The following PPP2R1B variants were observed in gnomAD, a reference collection of about 807,000 sequenced individuals.
The protein encoded by PPP2R1B is serine/threonine-protein phosphatase 2A 65 kDa regulatory subunit A beta isoform.
A neutral mutation model predicts 72.7 loss-of-function variants in PPP2R1B; 58 were observed. The observed-to-expected ratio is 0.80, with a 90% CI of 0.65 to 0.99. PPP2R1B has a LOEUF of 0.99. PPP2R1B is among the 50% of genes least tolerant of loss of function. The pLI, the probability that PPP2R1B is intolerant of heterozygous loss-of-function variation, is 0.00. For synonymous variants in PPP2R1B, 256 were observed against 264.6 expected (o/e 0.97, Z 0.32); for missense variants, 695 against 733.6 (o/e 0.95, Z 0.61).
the PPP2R1B span, chr11:111,721,091 G>A: frequency 1.3e-6 from 2 of 1,592,334 alleles, no homozygotes; most frequent in Non-Finnish European, 1.7e-6. Flanking sequence ...TCCCTCAATG[G>A]CTCTGTGAGG....
the PPP2R1B span, among the ~76,000 whole-genome samples, chr11:111,706,491 C>T: frequency 6.6e-6 from 1 of 152,062 alleles, no homozygotes; most frequent in South Asian, 2.1e-4. Context: ...TTGTTCAAAA[C>T]AAAAATAAGG....
chr11:111,703,439 A>G, the PPP2R1B span: 2 of 1,611,220 alleles, frequency 1.2e-6, no homozygotes, highest in Non-Finnish European at 1.7e-6. Flanking sequence ...GTGATCAGAG[A>G]TTTCGGGGTT....
At chr11:111,751,467 G>A (rs1555047906) in intron 10 of PPP2R1B, among the ~76,000 whole-genome samples, 1 of 152,158 alleles carries the variant, frequency 6.6e-6, no homozygotes, top group Non-Finnish European at 1.5e-5. Flanking sequence ...TCCAAAATGT[G>A]AAATGCTCCA....
At chr11:111,742,305 C>CCG in intron 13 of PPP2R1B, 161 bp from the exon 14 acceptor site, 1 of 609,808 alleles carries the variant, frequency 1.6e-6, no homozygotes, top group Non-Finnish European at 2.4e-6. Flanking sequence ...AAATTCTCAG[C>CCG]AAAATCAGCT....
At chr11:111,692,378 A>AAAAAAAAAAAAAAAAAAAAAAAAAAAAC in the PPP2R1B span, among the ~76,000 whole-genome samples, 1 of 144,338 alleles carries the variant, frequency 6.9e-6, no homozygotes, top group Non-Finnish European at 1.5e-5. Flanking sequence ...AAAAAAAAAA[A>AAAAAAAAAAAAAAAAAAAAAAAAAAAAC]AAAAAAAAAA....
the PPP2R1B span, among the ~76,000 whole-genome samples, chr11:111,692,547 A>G: frequency 6.6e-6 from 1 of 152,082 alleles, no homozygotes; most frequent in Non-Finnish European, 1.5e-5. Context: ...GAAAAAAGCC[A>G]GGAGAGGCGG....
At chr11:111,755,745 ACGC>A (rs1555049497) in intron 5 of PPP2R1B, among the ~76,000 whole-genome samples, 1 of 151,882 alleles carries the variant, frequency 6.6e-6, no homozygotes, top group African/African-American at 2.4e-5. Context: ...AGGAGCCACC[ACGC>A]CCAGCTAATT....
At chr11:111,742,999 G>A (rs942292437) in intron 12 of PPP2R1B, among the ~76,000 whole-genome samples, 1 of 151,836 alleles carries the variant, frequency 6.6e-6, no homozygotes. Flanking sequence ...GTTCAAGGGA[G>A]TCTCCTGCCT....
downstream of PPP2R1B, among the ~76,000 whole-genome samples, chr11:111,736,801 G>T (rs1340297477): frequency 6.6e-6 from 1 of 152,232 alleles, no homozygotes; most frequent in African/African-American, 2.4e-5. Context: ...GAGAATGTCA[G>T]ATTTTTCCCC....
the PPP2R1B span, among the ~76,000 whole-genome samples, chr11:111,693,242 G>A: frequency 1.5e-4 from 23 of 151,998 alleles, no homozygotes; most frequent in South Asian, 4.2e-3. Flanking sequence ...TGAGGCAGGA[G>A]AGAATCGCTT....
intron 5 of PPP2R1B, 56 bp downstream of exon 5, chr11:111,759,747 GA>G: frequency 6.7e-7 from 1 of 1,495,382 alleles, no homozygotes; most frequent in South Asian, 1.4e-5. Context: ...AAGAAATTCT[GA>G]AAATTTAGAG....
the PPP2R1B span, among the ~76,000 whole-genome samples, chr11:111,721,293 C>G: frequency 3.3e-5 from 5 of 152,182 alleles, 1 homozygote; most frequent in Admixed American, 2.6e-4. Flanking sequence ...CACTCTCAAG[C>G]TGTTTTTGGC....
At chr11:111,696,920 C>G in the PPP2R1B span, among the ~76,000 whole-genome samples, 1 of 152,178 alleles carries the variant, frequency 6.6e-6, no homozygotes, top group African/African-American at 2.4e-5. Flanking sequence ...TCACTATATG[C>G]ATTTAGGCAG....
At chr11:111,703,080 C>A in the PPP2R1B span, 1 of 765,576 alleles carries the variant, frequency 1.3e-6, no homozygotes, top group Non-Finnish European at 2.1e-6. Flanking sequence ...ATTCATTTGA[C>A]CTTCTGCTTT....
chr11:111,761,884 CG>C (rs1205696677), intron 3 of PPP2R1B, among the ~76,000 whole-genome samples: 2 of 152,086 alleles, frequency 1.3e-5, no homozygotes, highest in African/African-American at 4.8e-5. Context: ...CACTTGAACC[CG>C]GGAGGCAGAG....
chr11:111,746,088 A>C (rs1944694290), intron 11 of PPP2R1B, among the ~76,000 whole-genome samples: 1 of 152,250 alleles, frequency 6.6e-6, no homozygotes, highest in Admixed American at 6.5e-5. Flanking sequence ...AGAGAAGACA[A>C]TCTTACAGAG....
At chr11:111,714,192 C>A in the PPP2R1B span, among the ~76,000 whole-genome samples, 1 of 152,222 alleles carries the variant, frequency 6.6e-6, no homozygotes, top group Middle Eastern at 3.4e-3. Flanking sequence ...AAGCCTAAGT[C>A]CATCTCCATA....
chr11:111,734,780 T>C (rs1375590828), downstream of PPP2R1B, among the ~76,000 whole-genome samples: 1 of 152,170 alleles, frequency 6.6e-6, no homozygotes, highest in Non-Finnish European at 1.5e-5. Context: ...GCTCCTCCCC[T>C]TCACACACTC....
intron 5 of PPP2R1B, among the ~76,000 whole-genome samples, chr11:111,759,258 C>T (rs782253690): frequency 6.6e-6 from 1 of 152,178 alleles, no homozygotes; most frequent in African/African-American, 2.4e-5. Context: ...TTACTTAATA[C>T]ACATAACTAC....
Sources: allele counts gnomAD v4.1 joint callset (sites outside exome capture counted in the v4.1 genomes callset), GRCh38; gene constraint gnomAD v4.1.1; transcripts MANE v1.5; gene names NCBI Gene and HGNC (gene_info 2026-07-23, HGNC 2026-07-21).